SMAP2: variants seen among roughly 807,000 people sequenced by gnomAD.
The protein encoded by SMAP2 is stromal membrane-associated protein 2.
In SMAP2, 25 loss-of-function variants were observed where a neutral mutation model predicts 56.4. The observed-to-expected ratio is 0.44, with a 90% CI of 0.32 to 0.62. SMAP2 has a LOEUF of 0.62. Among genes scored for constraint, SMAP2 ranks in the 20% least tolerant of loss-of-function variants. The pLI is 0.04. For synonymous variants in SMAP2, 157 were observed against 181.7 expected, an observed-to-expected ratio of 0.86 and a Z score of 1.09; for missense variants, 388 against 545.6, an observed-to-expected ratio of 0.71 and a Z score of 2.88.
intron 1 of SMAP2, among the ~76,000 whole-genome samples, chr1:40,400,478 A>T (rs1029187016): frequency 1.3e-5 from 2 of 152,192 alleles, no homozygotes; most frequent in African/African-American, 4.8e-5. Context: ...CAGTGGTCCG[A>T]AAGAGTCTGG....
At chr1:40,409,159 G>T (rs1270644465) in intron 3 of SMAP2, among the ~76,000 whole-genome samples, 1 of 152,186 alleles carries the variant, frequency 6.6e-6, no homozygotes, top group African/African-American at 2.4e-5. Context: ...TTACCAGTTT[G>T]TCAATAACCA....
chr1:40,404,501 A>C (rs987925970), intron 1 of SMAP2, among the ~76,000 whole-genome samples: 1 of 152,238 alleles, frequency 6.6e-6, no homozygotes, highest in Non-Finnish European at 1.5e-5. Flanking sequence ...GAGCTGTGAC[A>C]GTGGCTTAGA....
intron 2 of SMAP2, among the ~76,000 whole-genome samples, chr1:40,363,685 A>G (rs751436318): frequency 6.6e-6 from 1 of 152,216 alleles, no homozygotes. Flanking sequence ...TATTACAGAA[A>G]GAGACACTGA....
rs946629657 is a variant in SMAP2 at position 40,363,335 on chromosome 1, A to G, written c.55+899A>G. Among the ~76,000 whole-genome samples the G allele has an allele frequency of 2.6e-5, 4 of 152,318 alleles. No individual in the cohort carries two copies. In the South Asian group the frequency reaches 8.3e-4, roughly 32 times the overall value. On this transcript the variant is annotated intron_variant, in intron 2 of 6. Coordinates refer to the SMAP2 transcript ENST00000435168. ...GATAGAAACATGTTATTTGGGCAAT[A>G]CATAAATTGTAGAAGAAACAACTAT...
At chr1:40,415,524 C>A in intron 7 of SMAP2, 143 bp downstream of exon 7, 1 of 680,992 alleles carries the variant, frequency 1.5e-6, no homozygotes, top group South Asian at 1.7e-5. Flanking sequence ...AACATTGTGT[C>A]ATTTCTGTCA....
Position 40,360,819 on chromosome 1 carries a change from G to A in SMAP2, c.-82-1481G>A, listed in dbSNP as rs115838756. ...GCATTTAGATCAATCCTCACCAGAG[G>A]GGAATTGTCCATACCAGTGGTTGGA... On this transcript the variant is annotated intron_variant, in intron 1 of 6. Transcript: ENST00000435168. 5.0e-3 allele frequency among the ~76,000 whole-genome samples: 756 copies of A among 152,306 alleles called. 10 individuals are homozygous for A. The highest frequency in any genetic ancestry group is 0.017 in the African/African-American group (715 of 41,564).
chr1:40,351,649 G>A (rs1052280678), intron 1 of SMAP2, among the ~76,000 whole-genome samples: 25 of 151,998 alleles, frequency 1.6e-4, no homozygotes, highest in African/African-American at 5.8e-4. Context: ...GATTACAGGC[G>A]TGCACCACCA....
rs775408458 is a variant in SMAP2 at position 40,360,004 on chromosome 1, C to CTTTTTTTTTT, written c.-82-2285_-82-2276dup. Among the ~76,000 whole-genome samples the CTTTTTTTTTT allele has an allele frequency of 4.6e-4, 47 of 102,472 alleles. 1 individual carries two copies. Among genetic ancestry groups the CTTTTTTTTTT allele is most frequent in the South Asian group, 9.9e-4 (3 of 3,044 alleles). 67.2% of individuals were successfully genotyped at this position (102,472 alleles called of 152,430 possible). On this transcript the variant is annotated intron_variant, in intron 1 of 6. Transcript: ENST00000435168. ...ACAGACTTTTTTCTTCTTCTTCTTT[C>CTTTTTTTTTT]TTTTTTTTTTTTTTTTTTTTGAGAT...
intron 2 of SMAP2, among the ~76,000 whole-genome samples, chr1:40,366,438 AG>A (rs1644481452): frequency 9.0e-6 from 1 of 111,528 alleles, no homozygotes; most frequent in East Asian, 2.7e-4. Context: ...AAAAATGTTA[AG>A]GGCAGCCAGA....
intron 1 of SMAP2, among the ~76,000 whole-genome samples, chr1:40,389,380 A>G (rs536281946): frequency 6.6e-6 from 1 of 152,278 alleles, no homozygotes; most frequent in East Asian, 1.9e-4. Flanking sequence ...CTATCTGCAT[A>G]CTTAATGCAC....
rs2124199480 is a variant in SMAP2 at position 40,373,929 on chromosome 1, G to A, written c.-192G>A. ...TAAGCCCGCCAAGGGGCGCCGCGCC[G>A]AGGGGCTGCGGAGTGGGGGACGGAC... On this transcript the variant is annotated 5_prime_UTR_variant, in exon 1 of 10. Transcript: ENST00000372718. 1.8e-6 allele frequency: 1 copy of A among 543,682 alleles called. No individual in the cohort carries two copies. The highest frequency in any genetic ancestry group is 2.2e-5 in the South Asian group (1 of 45,304). 33.7% of individuals were successfully genotyped at this position (543,682 alleles called of 1,614,324 possible).
chr1:40,349,809 A>G (rs2124155661), intron 1 of SMAP2, among the ~76,000 whole-genome samples: 1 of 152,312 alleles, frequency 6.6e-6, no homozygotes, highest in African/African-American at 2.4e-5. Context: ...GTGAGCCACC[A>G]TGCCCAGCCA....
intron 2 of SMAP2, among the ~76,000 whole-genome samples, chr1:40,362,894 G>T (rs1644465162): frequency 6.6e-6 from 1 of 152,136 alleles, no homozygotes; most frequent in Non-Finnish European, 1.5e-5. Flanking sequence ...CCTCCAGCTT[G>T]GAGCAGCAGG....
At chr1:40,370,780 G>A (rs574665512), upstream of SMAP2, among the ~76,000 whole-genome samples, 1,744 of 136,742 alleles carry the variant, frequency 0.013, 16 homozygotes, top group Non-Finnish European at 0.02. Context: ...TGGGTGCAGC[G>A]CACCAGCATG....
Position 40,374,334 on chromosome 1 carries a change from T to A in SMAP2, c.103+111T>A. ...TAGGCCGCCCAACTCGGCTTATAAG[T>A]GGTAACGCGTGCTGCGCTTGCAGTG... On this transcript the variant is annotated intron_variant, in intron 1 of 9. Coordinates refer to ENST00000372718, the MANE Select transcript of SMAP2 (RefSeq NM_022733.3). The surrounding 1 kb of genome is among the most constrained non-coding windows in gnomAD (Gnocchi z 5.9). 2 of 877,574 alleles carry A rather than the reference T, an allele frequency of 2.3e-6. No individual in the cohort carries two copies. The highest frequency in any genetic ancestry group is 3.7e-6 in the Non-Finnish European group (2 of 539,238). The allele number at this position is 877,574 out of a possible 1,614,324, so 54.4% of individuals were successfully genotyped here. A position where few individuals can be genotyped will look rare whatever the true frequency, so the allele number is the denominator to read the frequency against.
chr1:40,388,423 CCT>C (rs1013637091), intron 1 of SMAP2, among the ~76,000 whole-genome samples: 1 of 152,114 alleles, frequency 6.6e-6, no homozygotes, highest in African/African-American at 2.4e-5. Context: ...CAATCAGCAC[CCT>C]GTGTCTAGCT....
chr1:40,400,676 C>T (rs1219845798), intron 1 of SMAP2, among the ~76,000 whole-genome samples: 2 of 152,102 alleles, frequency 1.3e-5, no homozygotes, highest in Non-Finnish European at 2.9e-5. Context: ...GATTTTGTAG[C>T]AAGAGATTGA....
At position 40,395,479 on chromosome 1, in the gene SMAP2, C is replaced by T. The variant is rs1436129365; in HGVS notation, c.104-11257C>T. ...GGAAGATCACTTGAGCCCAAGAGTT[C>T]AAAACCAGCCTGGGCAACATAGCAA... On this transcript the variant is annotated intron_variant, in intron 1 of 9. Coordinates refer to ENST00000372718, the MANE Select transcript of SMAP2 (RefSeq NM_022733.3). 1.3e-5 allele frequency among the ~76,000 whole-genome samples: 2 copies of T among 152,116 alleles called. 1 individual carries two copies. The highest frequency in any genetic ancestry group is 4.8e-5 in the African/African-American group (2 of 41,460).
intron 1 of SMAP2, among the ~76,000 whole-genome samples, chr1:40,357,442 G>C (rs1167400497): frequency 6.6e-6 from 1 of 150,926 alleles, no homozygotes; most frequent in African/African-American, 2.4e-5. Flanking sequence ...GCCACAGAGC[G>C]AGATTCTGTC....
Sources: gnomAD v4.1 joint callset for allele counts (sites outside exome capture counted in the v4.1 genomes callset) on GRCh38, gnomAD v4.1.1 for gene constraint, Gnocchi (gnomAD v3.1) non-coding constraint, MANE v1.5 for transcripts, NCBI Gene and HGNC (gene_info 2026-07-23, HGNC 2026-07-21) for gene names.